RSPH14: variants seen among roughly 807,000 people sequenced by gnomAD.
RSPH14 encodes rhabdoid tumor deletion region gene 1.
A neutral mutation model predicts 26.7 loss-of-function variants in RSPH14; 20 were observed. The ratio of observed to expected loss-of-function variants is 0.75; its 90% CI spans 0.53 to 1.09. RSPH14 has a LOEUF of 1.09. Among genes scored for constraint, RSPH14 ranks in the 50% least tolerant of loss-of-function variants. The probability of loss-of-function intolerance (pLI) is 0.00; values close to 1 mark genes in which losing one functional copy is unlikely to be tolerated. For missense variants in RSPH14, 449 were observed against 457.2 expected (o/e 0.98, Z 0.16); for synonymous variants, 177 against 189.3 (o/e 0.93, Z 0.53).
At chr22:23,154,214 C>G in the RSPH14 span, among the ~76,000 whole-genome samples, 1 of 152,126 alleles carries the variant, frequency 6.6e-6, no homozygotes, top group African/African-American at 2.4e-5. Flanking sequence ...TGAGACCCTT[C>G]CGTGCTCCCC....
At position 23,139,623 on chromosome 22, in the gene RSPH14, AAAATAAAT is replaced by A. The variant is rs10584928; in HGVS notation, c.199+591_199+598del. ...GCAAGAGAGCGAGATGCCATCTCAA[AAAATAAAT>A]AAATAAATAAATAAATACAAATCTA... On this transcript the variant is annotated intron_variant, in intron 2 of 6. Coordinates refer to ENST00000216036, the MANE Select transcript of RSPH14 (RefSeq NM_014433.3). Among the ~76,000 whole-genome samples, 22 of 151,420 alleles carry A rather than the reference AAAATAAAT, an allele frequency of 1.5e-4. No individual in the cohort carries two copies. In the East Asian group the frequency reaches 2.1e-3, roughly 15 times the overall value.
At chr22:23,082,526 G>GT (rs1447967189) in intron 4 of RSPH14, among the ~76,000 whole-genome samples, 3 of 151,814 alleles carry the variant, frequency 2.0e-5, no homozygotes, top group Admixed American at 2.0e-4. Flanking sequence ...GCCTCGTTGT[G>GT]TTTTTTTGTT....
At chr22:23,171,368 C>T in the RSPH14 span, among the ~76,000 whole-genome samples, 9 of 152,108 alleles carry the variant, frequency 5.9e-5, no homozygotes, top group African/African-American at 2.2e-4. Flanking sequence ...TTAGTGCAGA[C>T]ACCTGACAGG....
At chr22:23,094,853 C>T (rs1569171933) in intron 4 of RSPH14, among the ~76,000 whole-genome samples, 1 of 152,356 alleles carries the variant, frequency 6.6e-6, no homozygotes, top group Admixed American at 6.5e-5. Flanking sequence ...GCCTGGCCAC[C>T]CGTGTAAAAC....
the RSPH14 span, chr22:23,162,091 T>C: frequency 2.4e-5 from 4 of 166,832 alleles, no homozygotes; most frequent in Admixed American, 2.3e-4. Context: ...GCAGGACTTA[T>C]GGTTCTGGGT....
rs1029276067 is a variant in RSPH14 at position 23,071,085 on chromosome 22, C to CA, written c.422-6953dup. 6.6e-6 allele frequency among the ~76,000 whole-genome samples: 1 copy of CA among 152,214 alleles called. No individual in the cohort carries two copies. Among genetic ancestry groups the CA allele is most frequent in the African/African-American group, 2.4e-5 (1 of 41,458 alleles). On this transcript the variant is annotated intron_variant, in intron 4 of 6. Coordinates refer to ENST00000216036, the MANE Select transcript of RSPH14 (RefSeq NM_014433.3). The surrounding 1 kb of genome is among the most constrained non-coding windows in gnomAD (Gnocchi z 4.1). ...CCTGGGCCCGCAGACGGACAGCTAGCAGTTCTCGGTCACTGCTCTTGCAGC... is the reference window on the plus strand; with the variant it reads ...CCTGGGCCCGCAGACGGACAGCTAGCAAGTTCTCGGTCACTGCTCTTGCAGC...
chr22:23,138,383 G>A (rs1268261362), intron 3 of RSPH14, among the ~76,000 whole-genome samples: 1 of 152,102 alleles, frequency 6.6e-6, no homozygotes, highest in African/African-American at 2.4e-5. Flanking sequence ...CCAACGTGGT[G>A]AAACCAGTCT....
chr22:23,134,531 G>A (rs1347821685), intron 3 of RSPH14, among the ~76,000 whole-genome samples: 1 of 131,040 alleles, frequency 7.6e-6, no homozygotes, highest in Non-Finnish European at 1.6e-5. Flanking sequence ...ACTCAAAATT[G>A]AGCCCCAACT....
upstream of RSPH14, among the ~76,000 whole-genome samples, chr22:23,147,045 G>C (rs907978964): frequency 6.6e-6 from 1 of 152,072 alleles, no homozygotes; most frequent in Non-Finnish European, 1.5e-5. Flanking sequence ...TGGGTGCCTG[G>C]CTCATGGTAT....
chr22:23,085,688 T>C (rs1205560872), intron 4 of RSPH14, among the ~76,000 whole-genome samples: 1 of 152,180 alleles, frequency 6.6e-6, no homozygotes, highest in Non-Finnish European at 1.5e-5. Flanking sequence ...GCCTCCGCCC[T>C]GGTTGTCCCA....
the RSPH14 span, among the ~76,000 whole-genome samples, chr22:23,151,578 CTT>C: frequency 6.6e-6 from 1 of 152,130 alleles, no homozygotes; most frequent in Non-Finnish European, 1.5e-5. Flanking sequence ...TGCAAAAACT[CTT>C]AAAGTGTTGT....
chr22:23,169,388 C>G, the RSPH14 span, among the ~76,000 whole-genome samples: 2 of 152,232 alleles, frequency 1.3e-5, no homozygotes, highest in African/African-American at 4.8e-5. Context: ...TTGAAGGGAG[C>G]CCTCCTCTGG....
chr22:23,150,288 GTTTTCTTT>G, the RSPH14 span: 1 of 660,390 alleles, frequency 1.5e-6, no homozygotes, highest in Non-Finnish European at 2.6e-6. Context: ...GATGACTGGG[GTTTTCTTT>G]TTTTTTTCTT....
At chr22:23,169,627 G>T in the RSPH14 span, among the ~76,000 whole-genome samples, 1 of 152,156 alleles carries the variant, frequency 6.6e-6, no homozygotes, top group Non-Finnish European at 1.5e-5. Context: ...CACTCTCTGA[G>T]CCCGTTTCCC....
chr22:23,170,594 G>C, the RSPH14 span, among the ~76,000 whole-genome samples: 6 of 151,822 alleles, frequency 4.0e-5, no homozygotes, highest in Non-Finnish European at 8.8e-5. Flanking sequence ...TTAGCCGGGC[G>C]TGGTGGTGAG....
intron 4 of RSPH14, among the ~76,000 whole-genome samples, chr22:23,099,088 C>T (rs1036122500): frequency 6.6e-6 from 1 of 152,238 alleles, no homozygotes; most frequent in Non-Finnish European, 1.5e-5. Context: ...TCCAAGGCCT[C>T]ATCTTCCCTG....
rs1005517615 is a variant in RSPH14 at position 23,078,112 on chromosome 22, C to T, written c.422-13979G>A. 8.5e-5 allele frequency among the ~76,000 whole-genome samples: 13 copies of T among 152,182 alleles called. No individual in the cohort carries two copies. In the South Asian group the frequency reaches 1.0e-3, roughly 12 times the overall value. On this transcript the variant is annotated intron_variant, in intron 4 of 6. Coordinates refer to ENST00000216036, the MANE Select transcript of RSPH14 (RefSeq NM_014433.3). ...GGACCCCTGCTGGTGAGGGCGGGTGCGGGTGGCCTGTCTCCGAGCTGGGCT... is the reference window on the plus strand; with the variant it reads ...GGACCCCTGCTGGTGAGGGCGGGTGTGGGTGGCCTGTCTCCGAGCTGGGCT...
At chr22:23,072,930 C>T (rs1164507880) in intron 4 of RSPH14, among the ~76,000 whole-genome samples, 1 of 152,210 alleles carries the variant, frequency 6.6e-6, no homozygotes, top group Non-Finnish European at 1.5e-5. Flanking sequence ...CAGGAATTTG[C>T]AGGTAACTGG....
At chr22:23,079,616 T>C (rs1334958939) in intron 4 of RSPH14, among the ~76,000 whole-genome samples, 1 of 152,174 alleles carries the variant, frequency 6.6e-6, no homozygotes, top group African/African-American at 2.4e-5. Context: ...CTCTGCCTCA[T>C]TTTTACAAGG....
Sources: allele counts gnomAD v4.1 joint callset (sites outside exome capture counted in the v4.1 genomes callset), GRCh38; gene constraint gnomAD v4.1.1; non-coding constraint Gnocchi (gnomAD v3.1); transcripts MANE v1.5; gene names NCBI Gene and HGNC (gene_info 2026-07-23, HGNC 2026-07-21).